NT5DC4: variants seen among roughly 807,000 people sequenced by gnomAD.
NT5DC4 encodes 5'-nucleotidase domain-containing protein 4.
A neutral mutation model predicts 26.6 loss-of-function variants in NT5DC4; 44 were observed. The observed-to-expected ratio is 1.65, with a 90% CI of 1.30 to 2.13. The LOEUF is 2.13. Among genes scored for constraint, NT5DC4 ranks in the 30% most tolerant of loss-of-function variants. The pLI is 0.00. For synonymous variants in NT5DC4, 157 were observed against 86.7 expected (o/e 1.81, Z -4.51); for missense variants, 399 against 228.1 (o/e 1.75, Z -4.83).
chr2:112,720,029 C>CCTT (rs1240611522), upstream of NT5DC4, among the ~76,000 whole-genome samples: 3 of 137,684 alleles, frequency 2.2e-5, no homozygotes, highest in East Asian at 2.1e-4. Context: ...TTCCTTCCTT[C>CCTT]CTTCCTTCTT....
At chr2:112,726,883 C>G (rs1677815218) in intron 15 of NT5DC4, 145 bp downstream of exon 15, 15 of 661,414 alleles carry the variant, frequency 2.3e-5, no homozygotes, top group Admixed American at 1.1e-4. Flanking sequence ...CTCCACCTGC[C>G]TTGTCAGCCA....
chr2:112,731,953 C>T lies in NT5DC4; in HGVS notation c.1344+2249C>T, dbSNP rs138273129. ...TTTTTTTTTTTTTGAGACAGAGTCT[C>T]ATTCTGTCACCCAGGCTGCAGTGCA... is the stretch of plus-strand genomic sequence containing the variant. On this transcript the variant is annotated intron_variant, in intron 16 of 16. Transcript: ENST00000688554. Among the ~76,000 whole-genome samples, 1,086 of 134,938 alleles carry T rather than the reference C, an allele frequency of 8.0e-3. 15 individuals carry two copies. The highest frequency in any genetic ancestry group is 0.029 in the African/African-American group (1,024 of 35,038). The allele number at this position is 134,938 out of a possible 152,430, so 88.5% of individuals were successfully genotyped here. A position where few individuals can be genotyped will look rare whatever the true frequency, so the allele number is the denominator to read the frequency against.
rs1558750443 is a variant in NT5DC4, at chr2:112,739,072, T to C, written c.*136T>C. On this transcript the variant is annotated 3_prime_UTR_variant, in exon 17 of 17. Transcript: ENST00000688554. ...TTCTGAGAGACAGCAAGAGATGCAT[T>C]AAAAACCTTATCATTTAAAAAAATT... 2 of 1,521,270 alleles carry C rather than the reference T, an allele frequency of 1.3e-6. No individual in the cohort carries two copies. Among genetic ancestry groups the C allele is most frequent in the South Asian group, 2.4e-5 (2 of 84,814 alleles). The allele number at this position is 1,521,270 out of a possible 1,614,324, so 94.2% of individuals were successfully genotyped here.
chr2:112,721,264 A>C (rs902550030), intron 1 of NT5DC4, among the ~76,000 whole-genome samples, 111 bp downstream of exon 1: 2 of 152,220 alleles, frequency 1.3e-5, no homozygotes, highest in Non-Finnish European at 2.9e-5. Flanking sequence ...GACTCCCAAA[A>C]TGCAGACGTA....
chr2:112,735,362 A>G lies in NT5DC4; in HGVS notation c.1345-3551A>G, dbSNP rs150796790. 3.2e-3 allele frequency among the ~76,000 whole-genome samples: 484 copies of G among 152,260 alleles called. 2 individuals are homozygous for G. The highest frequency in any genetic ancestry group is 5.7e-3 in the Non-Finnish European group (387 of 68,014). On this transcript the variant is annotated intron_variant, in intron 16 of 16. Transcript: ENST00000688554. ...CCCAGCCTCAGGAACAGTATTTTAT[A>G]GTATGTAAAAGACTCAGCCGAGTGC...
intron 15 of NT5DC4, chr2:112,727,178 A>T (rs7600918): frequency 5.2e-5 from 11 of 211,266 alleles, no homozygotes; most frequent in African/African-American, 2.5e-4. Context: ...CCCATGGGTC[A>T]GCCAGGTGGA....
intron 1 of NT5DC4, chr2:112,721,516 AC>A (rs1306984746): frequency 5.6e-6 from 4 of 717,808 alleles, no homozygotes. Flanking sequence ...CTACTTTCTT[AC>A]AGGGTTGGAT....
intron 15 of NT5DC4, among the ~76,000 whole-genome samples, chr2:112,728,843 G>A (rs1678096660): frequency 6.6e-6 from 1 of 152,186 alleles, no homozygotes; most frequent in Admixed American, 6.5e-5. Flanking sequence ...TGGGATGTGA[G>A]CCTGTCAAGC....
downstream of NT5DC4, chr2:112,740,998 GAAGTAATCC>G: frequency 6.2e-7 from 1 of 1,608,196 alleles, no homozygotes; most frequent in Non-Finnish European, 8.5e-7. Context: ...TAAAGAGTCA[GAAGTAATCC>G]CTGTGTATGT....
chr2:112,741,012 G>A (rs750661238), downstream of NT5DC4: 2 of 1,587,340 alleles, frequency 1.3e-6, no homozygotes, highest in East Asian at 2.2e-5. Context: ...TAATCCCTGT[G>A]TATGTAAGAT....
chr2:112,734,169 A>ATATATGTGTGTG (rs150412692), intron 16 of NT5DC4, among the ~76,000 whole-genome samples: 2,928 of 134,784 alleles, frequency 0.022, 47 homozygotes, highest in East Asian at 0.048. Context: ...TATTATATAT[A>ATATATGTGTGTG]TGTGTGTGTG....
chr2:112,726,943 G>A, intron 15 of NT5DC4: 2 of 597,976 alleles, frequency 3.3e-6, no homozygotes, highest in East Asian at 5.6e-5. Context: ...CCTCTTGAAG[G>A]GCTGAGTTGA....
At chr2:112,730,066 A>T (rs112636934) in intron 16 of NT5DC4, among the ~76,000 whole-genome samples, 2 of 152,084 alleles carry the variant, frequency 1.3e-5, no homozygotes, top group East Asian at 3.9e-4. Context: ...TAATCCCAGC[A>T]CTTTGGGAGG....
chr2:112,737,270 C>G (rs1558747234), intron 16 of NT5DC4: 2 of 152,060 alleles, frequency 1.3e-5, no homozygotes, highest in Admixed American at 6.6e-5. Context: ...GGTCAGATAA[C>G]AGTTCTATTT....
At chr2:112,724,064 G>T in intron 9 of NT5DC4, 30 bp from the exon 10 acceptor site, 1 of 717,004 alleles carries the variant, frequency 1.4e-6, no homozygotes, top group Non-Finnish European at 2.6e-6. Context: ...GCCCAAGCTT[G>T]GTGCCCTGAC....
chr2:112,719,726 T>C (rs1676642109), upstream of NT5DC4, among the ~76,000 whole-genome samples: 1 of 151,918 alleles, frequency 6.6e-6, no homozygotes, highest in Admixed American at 6.6e-5. Flanking sequence ...CCTAGTGATC[T>C]GCCCGCCTTG....
Position 112,725,439 on chromosome 2 carries a change from T to TCA in NT5DC4, c.1040_1041insCA (p.Gly348MetfsTer44). 1.4e-6 allele frequency: 1 copy of TCA among 717,138 alleles called. No individual in the cohort carries two copies. The highest frequency in any genetic ancestry group is 2.6e-6 in the Non-Finnish European group (1 of 384,960). The allele number at this position is 717,138 out of a possible 1,614,324, so 44.4% of individuals were successfully genotyped here. A position where few individuals can be genotyped will look rare whatever the true frequency, so the allele number is the denominator to read the frequency against. ...GTTCGGGGGATGGACATCCTGTACA[T>TCA]TGGGGACCACATTTTTGGGGACATT... On this transcript the variant is annotated frameshift_variant, in exon 13 of 17. Coordinates refer to ENST00000688554, the MANE Select transcript of NT5DC4 (RefSeq NM_001393655.1). LOFTEE classifies it high-confidence loss of function.
At chr2:112,736,147 T>G (rs1679134498) in intron 16 of NT5DC4, among the ~76,000 whole-genome samples, 1 of 152,030 alleles carries the variant, frequency 6.6e-6, no homozygotes. Flanking sequence ...GGATCGATCA[T>G]GAGAACCTGG....
downstream of NT5DC4, among the ~76,000 whole-genome samples, chr2:112,739,439 C>T (rs1286004174): frequency 6.6e-6 from 1 of 152,160 alleles, no homozygotes; most frequent in Non-Finnish European, 1.5e-5. Flanking sequence ...AGGCTTTTCC[C>T]TGATTTCCAG....
Sources: gnomAD v4.1 joint callset for allele counts (sites outside exome capture counted in the v4.1 genomes callset) on GRCh38, gnomAD v4.1.1 for gene constraint, MANE v1.5 for transcripts, NCBI Gene and HGNC (gene_info 2026-07-23, HGNC 2026-07-21) for gene names.